Variants in LRRTM4 observed in about 807,000 individuals in gnomAD.
LRRTM4 encodes leucine rich repeat transmembrane neuronal 4, also known as leucine-rich repeat transmembrane neuronal protein 4.
In LRRTM4, 25 loss-of-function variants were observed where a neutral mutation model predicts 47.6. The observed-to-expected ratio is 0.53, with a 90% CI of 0.38 to 0.73. LRRTM4 has a LOEUF of 0.73. Ranked by LOEUF, LRRTM4 falls within the 30% of genes least tolerant of loss-of-function variation. The pLI, the probability that LRRTM4 is intolerant of heterozygous loss-of-function variation, is 0.00. For missense variants in LRRTM4, 638 were observed against 713.4 expected (o/e 0.89, Z 1.20); for synonymous variants, 311 against 269.5 (o/e 1.15, Z -1.51).
chr2:76,756,502 A>C (rs1459936806), intron 3 of LRRTM4, among the ~76,000 whole-genome samples: 4 of 152,188 alleles, frequency 2.6e-5, no homozygotes, highest in Admixed American at 6.5e-5. Context: ...ACCTCTTTGA[A>C]CAATTTAAAA....
chr2:77,237,704 C>T (rs1017170664), intron 3 of LRRTM4, among the ~76,000 whole-genome samples: 1 of 152,080 alleles, frequency 6.6e-6, no homozygotes, highest in African/African-American at 2.4e-5. Flanking sequence ...CTGGAGAAAG[C>T]CTCGTTTGGT....
chr2:77,022,335 G>A (rs1471087078), intron 3 of LRRTM4, among the ~76,000 whole-genome samples: 1 of 152,070 alleles, frequency 6.6e-6, no homozygotes, highest in East Asian at 1.9e-4. Flanking sequence ...TTTGGATGGG[G>A]ACACAGAGCC....
intron 3 of LRRTM4, among the ~76,000 whole-genome samples, chr2:77,505,171 T>A (rs1368543706): frequency 2.0e-5 from 3 of 151,124 alleles, no homozygotes; most frequent in African/African-American, 7.3e-5. Context: ...AGAACAACCA[T>A]AATTTATTCC....
chr2:77,124,086 C>T (rs1284913060), intron 3 of LRRTM4, among the ~76,000 whole-genome samples: 1 of 151,892 alleles, frequency 6.6e-6, no homozygotes, highest in Non-Finnish European at 1.5e-5. Flanking sequence ...TAGTCATAGC[C>T]TTGGGGATGT....
intron 3 of LRRTM4, among the ~76,000 whole-genome samples, chr2:76,889,898 T>C (rs958094563): frequency 1.3e-5 from 2 of 151,820 alleles, no homozygotes; most frequent in African/African-American, 4.8e-5. Flanking sequence ...AATCAAGAAT[T>C]GCAAGCTATG....
At chr2:77,303,051 G>A (rs1303443225) in intron 3 of LRRTM4, among the ~76,000 whole-genome samples, 1 of 152,058 alleles carries the variant, frequency 6.6e-6, no homozygotes, top group East Asian at 1.9e-4. Flanking sequence ...CATTGCTCAG[G>A]CCCTGACAAT....
At chr2:77,070,408 C>CTA (rs996355613) in intron 3 of LRRTM4, among the ~76,000 whole-genome samples, 9 of 151,786 alleles carry the variant, frequency 5.9e-5, no homozygotes, top group Admixed American at 5.3e-4. Context: ...GTCACTCTCT[C>CTA]TATATATATA....
intron 3 of LRRTM4, among the ~76,000 whole-genome samples, chr2:76,890,224 T>C (rs1345146414): frequency 6.6e-6 from 1 of 151,986 alleles, no homozygotes; most frequent in East Asian, 1.9e-4. Context: ...GCTAGTGGTC[T>C]AGCACTGAGT....
intron 3 of LRRTM4, among the ~76,000 whole-genome samples, chr2:77,278,698 G>A (rs1321563793): frequency 6.6e-6 from 1 of 152,002 alleles, no homozygotes; most frequent in Non-Finnish European, 1.5e-5. Flanking sequence ...AGATATGTGT[G>A]AGAGATAAAG....
chr2:77,190,873 A>T (rs892821338), intron 3 of LRRTM4, among the ~76,000 whole-genome samples: 4 of 152,324 alleles, frequency 2.6e-5, no homozygotes, highest in South Asian at 2.1e-4. Context: ...ATTAAAGGAT[A>T]CTATGGCAGT....
At chr2:77,449,774 A>T (rs1038019772) in intron 3 of LRRTM4, among the ~76,000 whole-genome samples, 7 of 152,182 alleles carry the variant, frequency 4.6e-5, no homozygotes, top group Non-Finnish European at 8.8e-5. Flanking sequence ...GTGTGACCAC[A>T]GTGTTGCTTC....
intron 3 of LRRTM4, among the ~76,000 whole-genome samples, chr2:77,065,431 C>G (rs1172508081): frequency 6.6e-6 from 1 of 152,132 alleles, no homozygotes; most frequent in Non-Finnish European, 1.5e-5. Flanking sequence ...TCTTTATTGA[C>G]CTTTTTTATT....
intron 3 of LRRTM4, among the ~76,000 whole-genome samples, chr2:77,270,914 G>C (rs57416913): frequency 0.18 from 27,059 of 152,092 alleles, 4,979 homozygotes; most frequent in African/African-American, 0.47. Flanking sequence ...TTTGCTTTAA[G>C]CTTTTTTGCA....
chr2:77,143,155 T>C (rs1485514119), intron 3 of LRRTM4, among the ~76,000 whole-genome samples: 1 of 152,222 alleles, frequency 6.6e-6, no homozygotes, highest in African/African-American at 2.4e-5. Context: ...CCTATGAGGC[T>C]ATTCTTATCT....
At chr2:76,981,104 A>C (rs1466018623) in intron 3 of LRRTM4, among the ~76,000 whole-genome samples, 1 of 152,118 alleles carries the variant, frequency 6.6e-6, no homozygotes, top group Non-Finnish European at 1.5e-5. Context: ...TTTACATTTC[A>C]TGAAGAATAT....
At chr2:77,177,144 G>A (rs537979539) in intron 3 of LRRTM4, among the ~76,000 whole-genome samples, 1 of 152,278 alleles carries the variant, frequency 6.6e-6, no homozygotes, top group East Asian at 1.9e-4. Flanking sequence ...TACCTATGGA[G>A]TAGCCACACT....
At chr2:77,472,937 T>C (rs1677247742) in intron 3 of LRRTM4, among the ~76,000 whole-genome samples, 1 of 152,202 alleles carries the variant, frequency 6.6e-6, no homozygotes, top group Non-Finnish European at 1.5e-5. Flanking sequence ...CTCACAGCAA[T>C]CTCATATCAC....
chr2:76,857,906 T>C (rs932691262), intron 3 of LRRTM4, among the ~76,000 whole-genome samples: 4 of 152,086 alleles, frequency 2.6e-5, no homozygotes, highest in African/African-American at 9.7e-5. Context: ...GAAGAAAATA[T>C]GAGATCTAAG....
intron 3 of LRRTM4, among the ~76,000 whole-genome samples, chr2:77,497,247 G>A (rs201216363): frequency 6.6e-6 from 1 of 151,332 alleles, no homozygotes; most frequent in South Asian, 2.1e-4. Flanking sequence ...TAAAGAATCA[G>A]CTTTTAGTTT....
Sources: allele counts gnomAD v4.1 joint callset (sites outside exome capture counted in the v4.1 genomes callset), GRCh38; gene constraint gnomAD v4.1.1; transcripts MANE v1.5; gene names NCBI Gene and HGNC (gene_info 2026-07-23, HGNC 2026-07-21).